OR56A3: variants seen among roughly 807,000 people sequenced by gnomAD.
OR56A3 encodes the protein olfactory receptor family 56 subfamily A member 3, also known as olfactory receptor 56A3.
A neutral mutation model predicts 17.5 loss-of-function variants in OR56A3; 23 were observed. The observed-to-expected ratio is 1.32, with a 90% CI of 0.95 to 1.87. The LOEUF is 1.87. OR56A3 is among the 40% of genes most tolerant of loss of function. OR56A3 has a pLI of 0.00. For synonymous variants in OR56A3, 175 were observed against 150.6 expected, an observed-to-expected ratio of 1.16 and a Z score of -1.19; for missense variants, 366 against 380.1, an observed-to-expected ratio of 0.96 and a Z score of 0.31.
At chr11:6,000,012 G>T in the OR56A3 span, 1 of 152,182 alleles carries the variant, frequency 6.6e-6, no homozygotes, top group Non-Finnish European at 1.5e-5. Context: ...TACACTGTTG[G>T]TGGCACTGTA....
At chr11:5,977,227 T>A in the OR56A3 span, among the ~76,000 whole-genome samples, 2 of 152,184 alleles carry the variant, frequency 1.3e-5, no homozygotes, top group Non-Finnish European at 2.9e-5. Flanking sequence ...TGGATATATA[T>A]CCAATAATGG....
the OR56A3 span, among the ~76,000 whole-genome samples, chr11:5,990,888 T>G: frequency 3.7e-4 from 57 of 152,190 alleles, no homozygotes; most frequent in Non-Finnish European, 7.5e-4. Flanking sequence ...GGGAGAAAAT[T>G]CTCAGACTCT....
chr11:5,954,741 T>A (rs1448886363), downstream of OR56A3, among the ~76,000 whole-genome samples: 1 of 152,134 alleles, frequency 6.6e-6, no homozygotes, highest in Non-Finnish European at 1.5e-5. Flanking sequence ...ACAGAAAGTA[T>A]GAAACAATTG....
At chr11:6,020,471 T>G in the OR56A3 span, 1 of 152,100 alleles carries the variant, frequency 6.6e-6, no homozygotes, top group Non-Finnish European at 1.5e-5. Context: ...AGTTTGTATC[T>G]CCTCTGATTT....
the OR56A3 span, chr11:5,999,609 T>C: frequency 6.6e-6 from 1 of 152,232 alleles, no homozygotes; most frequent in Non-Finnish European, 1.5e-5. Context: ...GCTAAAAATA[T>C]GGCTCTCTGT....
chr11:5,944,609 T>TA (rs2134360457), intron 1 of OR56A3, among the ~76,000 whole-genome samples, 197 bp from the exon 2 acceptor site: 1 of 152,354 alleles, frequency 6.6e-6, no homozygotes, highest in Non-Finnish European at 1.5e-5. Context: ...CTTTATTTTC[T>TA]CCACAGCTGA....
At chr11:6,016,561 A>G in the OR56A3 span, among the ~76,000 whole-genome samples, 1 of 152,266 alleles carries the variant, frequency 6.6e-6, no homozygotes, top group East Asian at 1.9e-4. Flanking sequence ...AGACTGTTAC[A>G]CCAAATGTGC....
the OR56A3 span, among the ~76,000 whole-genome samples, chr11:5,959,902 C>T: frequency 4.6e-5 from 7 of 152,148 alleles, no homozygotes; most frequent in East Asian, 1.9e-4. Flanking sequence ...TCAGTTTTTC[C>T]GATACTATTT....
downstream of OR56A3, among the ~76,000 whole-genome samples, chr11:5,954,647 T>C (rs1454127244): frequency 1.3e-5 from 2 of 152,138 alleles, no homozygotes; most frequent in Non-Finnish European, 2.9e-5. Flanking sequence ...ATTCTTAAAA[T>C]TGCATTAAAA....
the OR56A3 span, among the ~76,000 whole-genome samples, chr11:5,975,542 A>AT: frequency 2.0e-5 from 3 of 151,754 alleles, no homozygotes; most frequent in Admixed American, 1.3e-4. Context: ...TGAACTCATC[A>AT]TTTTTTATGG....
At chr11:5,983,586 A>T in the OR56A3 span, among the ~76,000 whole-genome samples, 39 of 152,240 alleles carry the variant, frequency 2.6e-4, no homozygotes, top group African/African-American at 8.9e-4. Context: ...CATACTGCCT[A>T]TTAGAACAAA....
At chr11:6,002,239 G>A in the OR56A3 span, 5 of 1,614,118 alleles carry the variant, frequency 3.1e-6, no homozygotes, top group Non-Finnish European at 4.2e-6. Flanking sequence ...CTGAAGAAGA[G>A]GATGAGGATG....
chr11:5,969,774 G>A, the OR56A3 span, among the ~76,000 whole-genome samples: 1 of 152,138 alleles, frequency 6.6e-6, no homozygotes, highest in East Asian at 1.9e-4. Context: ...AAACTTAAAG[G>A]ACCAGAGGAG....
the OR56A3 span, among the ~76,000 whole-genome samples, chr11:5,976,091 G>T: frequency 6.6e-6 from 1 of 152,122 alleles, no homozygotes; most frequent in Admixed American, 6.6e-5. Flanking sequence ...AGATGGTAGA[G>T]ATACCTGTTG....
the OR56A3 span, among the ~76,000 whole-genome samples, chr11:5,991,022 C>T: frequency 6.6e-6 from 1 of 152,170 alleles, no homozygotes; most frequent in South Asian, 2.1e-4. Flanking sequence ...TGAAATTCTG[C>T]CCTAGCTTGT....
At chr11:5,965,079 C>T in the OR56A3 span, among the ~76,000 whole-genome samples, 5 of 152,060 alleles carry the variant, frequency 3.3e-5, no homozygotes, top group Admixed American at 1.3e-4. Flanking sequence ...AAAAATTATC[C>T]ATTTCCCATG....
At chr11:6,006,507 C>T in the OR56A3 span, 1 of 152,184 alleles carries the variant, frequency 6.6e-6, no homozygotes, top group Non-Finnish European at 1.5e-5. Flanking sequence ...AAAAGTCAGA[C>T]AGATTCTGAA....
chr11:5,963,489 T>G, the OR56A3 span, among the ~76,000 whole-genome samples: 1 of 152,242 alleles, frequency 6.6e-6, no homozygotes, highest in South Asian at 2.1e-4. Context: ...TTTTTAAATA[T>G]ATTTTTCACT....
chr11:6,010,027 T>C, the OR56A3 span, among the ~76,000 whole-genome samples: 1 of 151,956 alleles, frequency 6.6e-6, no homozygotes, highest in African/African-American at 2.4e-5. Context: ...TTAATGTCAG[T>C]GATTACATTT....
Sources: gnomAD v4.1 joint callset for allele counts (sites outside exome capture counted in the v4.1 genomes callset) on GRCh38, gnomAD v4.1.1 for gene constraint, MANE v1.5 for transcripts, NCBI Gene and HGNC (gene_info 2026-07-23, HGNC 2026-07-21) for gene names.